FBXL16: variants seen among roughly 807,000 people sequenced by gnomAD.
The protein encoded by FBXL16 is F-box/LRR-repeat protein 16.
FBXL16 carries 7 observed loss-of-function variants against 36.7 expected under a neutral mutation model. That is an observed-to-expected ratio of 0.19 (90% CI 0.11 to 0.36). The LOEUF is 0.36. Ranked by LOEUF, FBXL16 falls within the 10% of genes least tolerant of loss-of-function variation. The probability of loss-of-function intolerance (pLI) is 1.00; values close to 1 mark genes in which losing one functional copy is unlikely to be tolerated. For missense variants in FBXL16, 463 were observed against 659.4 expected (o/e 0.70, Z 3.26); for synonymous variants, 355 against 308.7 (o/e 1.15, Z -1.57).
chr16:705,334 G>A (rs1315454395), intron 1 of FBXL16, among the ~76,000 whole-genome samples, 178 bp downstream of exon 1: 2 of 152,150 alleles, frequency 1.3e-5, no homozygotes, highest in East Asian at 3.9e-4. Flanking sequence ...AGGCCAGGCA[G>A]GGACCGAGGC....
intron 1 of FBXL16, among the ~76,000 whole-genome samples, chr16:702,640 C>G (rs569376728): frequency 6.6e-6 from 1 of 152,204 alleles, no homozygotes; most frequent in Non-Finnish European, 1.5e-5. Context: ...AGGAAGAGGC[C>G]GGTCAGCGGG....
intron 1 of FBXL16, among the ~76,000 whole-genome samples, chr16:702,412 CATGGGTT>C (rs2040064316): frequency 1.3e-5 from 2 of 152,376 alleles, no homozygotes; most frequent in African/African-American, 4.8e-5. Context: ...CTTGCAATCA[CATGGGTT>C]ATCATCACTG....
chr16:697,450 T>G lies in FBXL16; in HGVS notation c.-14-31A>C. On this transcript the variant is annotated intron_variant, in intron 1 of 5. Transcript: ENST00000397621. This position sits in a 1 kb window ranked among gnomAD's most constrained non-coding sequence, Gnocchi z 4.6. ...GATGAGGGCCGGGAGGGGGAGTGAG[T>G]CTGTTGCTGAGTCTGGAAGGCCGGG... 6.7e-7 allele frequency: 1 copy of G among 1,500,010 alleles called. No homozygotes were observed. The highest frequency in any genetic ancestry group is 1.3e-5 in the South Asian group (1 of 79,184). 92.9% of individuals were successfully genotyped at this position (1,500,010 alleles called of 1,614,324 possible).
intron 2 of FBXL16, 144 bp downstream of exon 2, chr16:696,629 C>T: frequency 1.8e-6 from 1 of 551,608 alleles, no homozygotes; most frequent in Non-Finnish European, 2.6e-6. Context: ...GAACAAGGGA[C>T]CCACATTTTC....
In FBXL16 at chr16:695,366, G is replaced by GCAGCCCCGCCCGGCC. The variant is rs780337946; in HGVS notation, c.1142+34_1142+48dup. ...GCAGCCCCGCCCCGCCCCGCCCCGT[G>GCAGCCCCGCCCGGCC]CAGCCCCGCCCGGCCCAGCCCCGCC... On this transcript the variant is annotated intron_variant, in intron 3 of 5. Transcript: ENST00000397621. 5.2e-4 allele frequency: 692 copies of GCAGCCCCGCCCGGCC among 1,326,666 alleles called. 1 individual carries two copies. Among genetic ancestry groups the GCAGCCCCGCCCGGCC allele is most frequent in the African/African-American group, 2.9e-3 (181 of 62,910 alleles). 82.2% of individuals were successfully genotyped at this position (1,326,666 alleles called of 1,614,324 possible).
intron 1 of FBXL16, among the ~76,000 whole-genome samples, chr16:702,156 A>G (rs1596576259): frequency 6.6e-6 from 1 of 152,272 alleles, no homozygotes; most frequent in East Asian, 1.9e-4. Flanking sequence ...CTCTTCTGCG[A>G]ATCAAGTCAC....
chr16:694,326 C>G lies in FBXL16; in HGVS notation c.1389G>C (p.Glu463Asp), dbSNP rs1214953597. The G allele has an allele frequency of 2.0e-6, 3 of 1,508,668 alleles. No homozygotes were observed. Among genetic ancestry groups the G allele is most frequent in the Admixed American group, 2.5e-5 (1 of 39,690 alleles). The allele number at this position is 1,508,668 out of a possible 1,614,324, so 93.5% of individuals were successfully genotyped here. Reference sequence around the variant, plus strand: ...GGTGCTGCGAGAAATACTTGAAGAGCTCGGGGGTGGCCCCGGGGCAGTTGG... The same window carrying G: ...GGTGCTGCGAGAAATACTTGAAGAGGTCGGGGGTGGCCCCGGGGCAGTTGG... ...ELTNCPGATP[E>D]LFKYFSQHLP... is the part of the protein sequence containing the mutation. The change falls in exon 6 of 6, where the codon GAG (glutamate) becomes GAC (aspartate). Residue 463 changes from glutamate to aspartate, a missense_variant. By Grantham distance (45) the Glu-to-Asp change is conservative. This residue lies in a region of FBXL16 where 134 missense variants were observed against 172.0 expected (regional missense o/e 0.78). Coordinates refer to ENST00000397621, the MANE Select transcript of FBXL16 (RefSeq NM_153350.4).
Position 699,041 on chromosome 16 carries a change from C to T in FBXL16, c.-14-1622G>A, listed in dbSNP as rs188385650. On this transcript the variant is annotated intron_variant, in intron 1 of 5. Transcript: ENST00000397621. ...TGCTGTGGTGCCAGCATGGTTAGCCCTGGACACAAGCTGTCGCTTTAATCT... is the reference window on the plus strand; with the variant it reads ...TGCTGTGGTGCCAGCATGGTTAGCCTTGGACACAAGCTGTCGCTTTAATCT... 8.2e-4 allele frequency among the ~76,000 whole-genome samples: 125 copies of T among 152,264 alleles called. 1 individual carries two copies. Among genetic ancestry groups the T allele is most frequent in the African/African-American group, 2.9e-3 (120 of 41,548 alleles).
chr16:697,672 G>A lies in FBXL16; in HGVS notation c.-14-253C>T, dbSNP rs1282342269. Among the ~76,000 whole-genome samples the A allele has an allele frequency of 6.6e-6, 1 of 152,136 alleles. No individual in the cohort carries two copies. Among genetic ancestry groups the A allele is most frequent in the African/African-American group, 2.4e-5 (1 of 41,434 alleles). On this transcript the variant is annotated intron_variant, in intron 1 of 5. Transcript: ENST00000397621. The surrounding 1 kb of genome is among the most constrained non-coding windows in gnomAD (Gnocchi z 4.6). Reference sequence around the variant, plus strand: ...CTGAGCCCAACCTTCATTGCCCATGGACACCCTCTTTTTCTTTTGTTTTTT... The same window carrying A: ...CTGAGCCCAACCTTCATTGCCCATGAACACCCTCTTTTTCTTTTGTTTTTT...
chr16:704,921 C>T (rs1440048326), intron 1 of FBXL16, among the ~76,000 whole-genome samples: 1 of 152,222 alleles, frequency 6.6e-6, no homozygotes, highest in Non-Finnish European at 1.5e-5. Flanking sequence ...GACACCGGAC[C>T]CCTCCCGAGC....
chr16:697,128 G>T lies in FBXL16; in HGVS notation c.278C>A (p.Pro93Gln). 2 of 1,604,432 alleles carry T rather than the reference G, an allele frequency of 1.2e-6. No homozygotes were observed. Among genetic ancestry groups the T allele is most frequent in the Non-Finnish European group, 1.7e-6 (2 of 1,176,366 alleles). ...GATCTTCTCGTCCGTGGCCAGCGGC[G>T]GCCGCTCCGCTGGGTGCCCAGGTGC... ...ALAPGHPAER[P>Q]PLATDEKILN... is the part of the protein sequence containing the mutation. The change falls in exon 2 of 6, where the codon CCG (proline) becomes CAG (glutamine). Residue 93 changes from proline (P) to glutamine (Q), a missense_variant. Pro to Gln is a moderately conservative substitution (Grantham distance 76). Transcript: ENST00000397621. This position sits in a 1 kb window ranked among gnomAD's most constrained non-coding sequence, Gnocchi z 4.6.
intron 3 of FBXL16, 28 bp from the exon 4 acceptor site, chr16:695,104 C>A: frequency 6.3e-7 from 1 of 1,592,322 alleles, no homozygotes; most frequent in Non-Finnish European, 8.6e-7. Flanking sequence ...GGGACCCCCA[C>A]CTTCAAATCA....
At chr16:701,267 C>A (rs1398827659) in intron 1 of FBXL16, among the ~76,000 whole-genome samples, 2 of 152,182 alleles carry the variant, frequency 1.3e-5, no homozygotes, top group African/African-American at 2.4e-5. Context: ...CTCATCCACA[C>A]CCGCAGCGCT....
At chr16:705,383 A>AC (rs1336694710) in intron 1 of FBXL16, 129 bp downstream of exon 1, 7 of 151,678 alleles carry the variant, frequency 4.6e-5, no homozygotes, top group Non-Finnish European at 1.0e-4. Flanking sequence ...GGCTGCCGTT[A>AC]CGTAAGCCCT....
At chr16:695,261 T>C in intron 3 of FBXL16, 154 bp downstream of exon 3, 1 of 1,169,154 alleles carries the variant, frequency 8.6e-7, no homozygotes, top group Non-Finnish European at 1.1e-6. Flanking sequence ...GTTCTGCGGT[T>C]CCCACTCCCC....
chr16:696,750 T>TCCCCCCC, intron 2 of FBXL16, 23 bp downstream of exon 2: 1 of 652,376 alleles, frequency 1.5e-6, no homozygotes. Flanking sequence ...CCCAGCCCTG[T>TCCCCCCC]CCCCCCCGAG....
chr16:703,466 T>G (rs1273447757), intron 1 of FBXL16, among the ~76,000 whole-genome samples: 1 of 152,182 alleles, frequency 6.6e-6, no homozygotes, highest in African/African-American at 2.4e-5. Flanking sequence ...GCCTTAGAGC[T>G]GGGCAGGGCC....
In FBXL16 at chr16:697,618, C is replaced by T. The variant is rs1256681821; in HGVS notation, c.-14-199G>A. Among the ~76,000 whole-genome samples the T allele has an allele frequency of 6.6e-6, 1 of 152,138 alleles. No individual in the cohort carries two copies. The highest frequency in any genetic ancestry group is 2.4e-5 in the African/African-American group (1 of 41,432). ...ACAGGAAGCCAACCATGGCCACTGG[C>T]AGCACTCACTGGGCACCTACGGTAT... On this transcript the variant is annotated intron_variant, in intron 1 of 5. Transcript: ENST00000397621. The surrounding 1 kb of genome is among the most constrained non-coding windows in gnomAD (Gnocchi z 4.6).
chr16:700,359 C>T (rs930470124), intron 1 of FBXL16, among the ~76,000 whole-genome samples: 2 of 152,216 alleles, frequency 1.3e-5, no homozygotes, highest in African/African-American at 4.8e-5. Flanking sequence ...AGGAGGCACC[C>T]ACAGCCGGTG....
Sources: gnomAD v4.1 joint callset for allele counts (sites outside exome capture counted in the v4.1 genomes callset) on GRCh38, gnomAD v4.1.1 for gene constraint, gnomAD v4.1.1 regional missense constraint, Gnocchi (gnomAD v3.1) non-coding constraint, MANE v1.5 for transcripts, NCBI Gene and HGNC (gene_info 2026-07-23, HGNC 2026-07-21) for gene names.